The following DTX2 variants were observed in gnomAD, a reference collection of about 807,000 sequenced individuals.
The protein encoded by DTX2 is deltex E3 ubiquitin ligase 2.
A neutral mutation model predicts 55.3 loss-of-function variants in DTX2; 29 were observed. The observed-to-expected ratio is 0.52, with a 90% CI of 0.39 to 0.71. The LOEUF (loss-of-function observed/expected upper bound fraction) is 0.71. Ranked by LOEUF, DTX2 falls within the 30% of genes least tolerant of loss-of-function variation. The pLI is 0.00. For synonymous variants in DTX2, 276 were observed against 340.4 expected (o/e 0.81, Z 2.08); for missense variants, 537 against 822.5 (o/e 0.65, Z 4.25).
intron 4 of DTX2, among the ~76,000 whole-genome samples, chr7:76,483,542 G>A (rs1248718338): frequency 1.3e-5 from 2 of 151,672 alleles, no homozygotes; most frequent in African/African-American, 4.8e-5. Context: ...CAGAGTATCA[G>A]CCCTTACCCC....
Position 76,482,511 on chromosome 7 carries a change from C to A in DTX2, c.272C>A (p.Thr91Asn). The change falls in exon 4 of 11, where the codon ACC (threonine) becomes AAC (asparagine). Residue 91 changes from threonine (T) to asparagine (N), a missense_variant. Thr to Asn is a moderately conservative substitution (Grantham distance 65, BLOSUM62 0). Transcript: ENST00000430490. ...TTTTGTTTTCCTTTGAAAATAGGCA[C>A]CATGCGGGCTGTGCGGAGACACCTG... ...SWTQFRQDTG[T>N]MRAVRRHLFP... 3 of 1,589,138 alleles carry A rather than the reference C, an allele frequency of 1.9e-6. No individual in the cohort carries two copies. The highest frequency in any genetic ancestry group is 2.6e-6 in the Non-Finnish European group (3 of 1,163,196).
rs557153724 is a variant in DTX2 at position 76,488,253 on chromosome 7, C to T, written c.909-3900C>T. On this transcript the variant is annotated intron_variant, in intron 4 of 10. Transcript: ENST00000430490. ...TCCTTGGAAGCAAGGACTTCTTGTT[C>T]GTTCTTTAGGAACGGAAGCAAACGT... Among the ~76,000 whole-genome samples the T allele has an allele frequency of 1.1e-4, 9 of 81,886 alleles. 3 individuals are homozygous for T. In the East Asian group the frequency reaches 2.9e-3, roughly 26 times the overall value. The allele number at this position is 81,886 out of a possible 152,430, so 53.7% of individuals were successfully genotyped here. A position where few individuals can be genotyped will look rare whatever the true frequency, so the allele number is the denominator to read the frequency against.
intron 7 of DTX2, chr7:76,501,218 G>C: frequency 1.1e-5 from 5 of 447,124 alleles, no homozygotes; most frequent in Non-Finnish European, 2.2e-5. Flanking sequence ...GCGGGTGGAA[G>C]GCCAGGAGCC....
intron 8 of DTX2, 37 bp downstream of exon 8, chr7:76,502,493 G>A (rs369495187): frequency 2.8e-5 from 45 of 1,602,090 alleles, no homozygotes; most frequent in East Asian, 1.1e-4. Context: ...CGGGTGGCCC[G>A]CCCCCACAGT....
intron 3 of DTX2, among the ~76,000 whole-genome samples, chr7:76,482,232 T>G (rs1408355117): frequency 6.6e-6 from 1 of 150,970 alleles, no homozygotes; most frequent in Non-Finnish European, 1.5e-5. Context: ...TGGTGTCATG[T>G]GCCTGTAGTC....
In DTX2 at chr7:76,483,117, C is replaced by G; in HGVS notation, c.878C>G (p.Pro293Arg). The change falls in exon 4 of 11, where the codon CCC becomes CGC. Residue 293 changes from proline to arginine, a missense_variant. Around this residue, in one of 7 missense-constraint regions of DTX2, gnomAD observed 18 missense variants for 65.0 expected, o/e 0.28. Transcript: ENST00000430490. ...SLSHLGPQHL[P>R]PGSSTSGAVS... Reference sequence around the variant, plus strand: ...TCCCACCTGGGACCGCAGCACCTGCCCCCAGGATCCTCCACCTCCGGTGCA... The same window carrying G: ...TCCCACCTGGGACCGCAGCACCTGCGCCCAGGATCCTCCACCTCCGGTGCA... The G allele has an allele frequency of 6.2e-7, 1 of 1,612,350 alleles. No homozygotes were observed. The highest frequency in any genetic ancestry group is 1.1e-5 in the South Asian group (1 of 90,980).
In DTX2 at chr7:76,480,725, G is replaced by A; in HGVS notation, c.216G>A (p.Leu72=). Residue 72 remains leucine, a synonymous_variant, in exon 3 of 11, where the codon CTG becomes CTA. Coordinates refer to ENST00000430490, the MANE Select transcript of DTX2 (RefSeq NM_001102594.3). Reference sequence around the variant, plus strand: ...CCTTGGGCCAGGCAGACCCCTCGCTGGCCCCTTACATTATTGACCTCCCCA... The same window carrying A: ...CCTTGGGCCAGGCAGACCCCTCGCTAGCCCCTTACATTATTGACCTCCCCA... ...SIPLGQADPS[L]APYIIDLPSW... is the part of the protein sequence containing the mutation. 6.2e-7 allele frequency: 1 copy of A among 1,613,318 alleles called. No homozygotes were observed. The highest frequency in any genetic ancestry group is 1.3e-5 in the African/African-American group (1 of 75,010).
intron 4 of DTX2, 55 bp downstream of exon 4, chr7:76,483,202 GGGAAGACTCACCCCAATTCCT>G: frequency 6.4e-7 from 1 of 1,569,286 alleles, no homozygotes; most frequent in South Asian, 1.2e-5. Flanking sequence ...GCTCTTAGCC[GGGAAGACTCACCCCAATTCCT>G]GCAGATGCGG....
intron 2 of DTX2, among the ~76,000 whole-genome samples, chr7:76,477,840 A>G (rs1477171597): frequency 1.4e-5 from 2 of 138,412 alleles, no homozygotes; most frequent in African/African-American, 2.8e-5. Flanking sequence ...AAATAAATAA[A>G]TGTCACCTTT....
chr7:76,501,892 T>TA (rs1811738959), intron 7 of DTX2: 1 of 182,286 alleles, frequency 5.5e-6, no homozygotes, highest in Non-Finnish European at 1.1e-5. Flanking sequence ...AATGGACTTT[T>TA]TTTTTTTTTT....
chr7:76,500,993 A>C (rs538063748), intron 7 of DTX2, among the ~76,000 whole-genome samples: 1 of 152,272 alleles, frequency 6.6e-6, no homozygotes, highest in East Asian at 1.9e-4. Context: ...ATCACAGCTC[A>C]CTGCAGCCCT....
chr7:76,498,232 T>C (rs1811145305), intron 6 of DTX2, among the ~76,000 whole-genome samples: 1 of 151,120 alleles, frequency 6.6e-6, no homozygotes, highest in African/African-American at 2.4e-5. Flanking sequence ...GCAGAGGGGC[T>C]TGGCGAGGTC....
rs200872991 is a variant in DTX2 at position 76,477,800 on chromosome 7, CTAAATAAATAAATAAA to C, written c.-89-2595_-89-2580del. Among the ~76,000 whole-genome samples the C allele has an allele frequency of 6.1e-3, 551 of 90,014 alleles. 28 individuals carry two copies. In the East Asian group the frequency reaches 0.078, roughly 13 times the overall value. The allele number at this position is 90,014 out of a possible 152,430, so 59.1% of individuals were successfully genotyped here. A position where few individuals can be genotyped will look rare whatever the true frequency, so the allele number is the denominator to read the frequency against. On this transcript the variant is annotated intron_variant, in intron 2 of 10. Transcript: ENST00000430490. ...TGGGTGACAGAGTGAGACTCGGACT[CTAAATAAATAAATAAA>C]TAAATAAATAAATAAATAAATAAAT...
intron 3 of DTX2, 144 bp downstream of exon 3, chr7:76,480,921 T>C (rs976808080): frequency 2.1e-6 from 2 of 961,934 alleles, no homozygotes; most frequent in South Asian, 1.7e-5. Flanking sequence ...GTGGGTGCAG[T>C]GAGTGGGAAC....
At chr7:76,469,457 A>G (rs949252586) in intron 2 of DTX2, among the ~76,000 whole-genome samples, 3 of 138,922 alleles carry the variant, frequency 2.2e-5, no homozygotes, top group African/African-American at 8.3e-5. Context: ...CAGTGGCATA[A>G]TCTTGGCTCA....
At chr7:76,499,871 C>T (rs1192938811) in intron 6 of DTX2, 1 of 274,260 alleles carries the variant, frequency 3.6e-6, no homozygotes, top group Non-Finnish European at 7.4e-6. Context: ...CCCAGAGTCG[C>T]TGGACTTAGG....
intron 6 of DTX2, among the ~76,000 whole-genome samples, chr7:76,499,377 C>T (rs1267513410): frequency 6.7e-6 from 1 of 150,130 alleles, no homozygotes. Flanking sequence ...CACCCCACCA[C>T]GCCACCTCCC....
Position 76,505,374 on chromosome 7 carries a change from G to T in DTX2, c.1642G>T (p.Val548Phe). ...CTTCCCCCTCCTCCTCCCCGGGCAGGTCCTAGAGCTCCTGAAGGTGGCCTG... is the reference window on the plus strand; with the variant it reads ...CTTCCCCCTCCTCCTCCCCGGGCAGTTCCTAGAGCTCCTGAAGGTGGCCTG... ...YLPDNAQGRK[V>F]LELLKVAWKR... Residue 548 changes from valine to phenylalanine, a missense_variant and splice_region_variant, in exon 11 of 11, where the codon GTC (valine) becomes TTC (phenylalanine). Around this residue, in one of 7 missense-constraint regions of DTX2, gnomAD observed 33 missense variants for 48.4 expected, o/e 0.68. Coordinates refer to ENST00000430490, the MANE Select transcript of DTX2 (RefSeq NM_001102594.3). This position sits in a 1 kb window ranked among gnomAD's most constrained non-coding sequence, Gnocchi z 4.4. 6.4e-7 allele frequency: 1 copy of T among 1,572,530 alleles called. No homozygotes were observed. Among genetic ancestry groups the T allele is most frequent in the Non-Finnish European group, 8.6e-7 (1 of 1,159,474 alleles).
chr7:76,471,660 G>C (rs1807941197), intron 2 of DTX2, among the ~76,000 whole-genome samples: 2 of 151,164 alleles, frequency 1.3e-5, no homozygotes, highest in South Asian at 4.2e-4. Context: ...CAGTCAAAGT[G>C]CTGGGATCAC....
Sources: gnomAD v4.1 joint callset for allele counts (sites outside exome capture counted in the v4.1 genomes callset) on GRCh38, gnomAD v4.1.1 for gene constraint, gnomAD v4.1.1 regional missense constraint, Gnocchi (gnomAD v3.1) non-coding constraint, MANE v1.5 for transcripts, NCBI Gene and HGNC (gene_info 2026-07-23, HGNC 2026-07-21) for gene names.